Variants in DIAPH3 observed in about 807,000 individuals in gnomAD.
DIAPH3 encodes the protein protein diaphanous homolog 3.
A neutral mutation model predicts 144.3 loss-of-function variants in DIAPH3; 117 were observed. The observed-to-expected ratio is 0.81, with a 90% confidence interval of 0.70 to 0.95. DIAPH3 has a LOEUF of 0.95. Ranked by LOEUF, DIAPH3 falls within the 40% of genes least tolerant of loss-of-function variation. The probability of loss-of-function intolerance (pLI) is 0.00; values close to 1 mark genes in which losing one functional copy is unlikely to be tolerated. For synonymous variants in DIAPH3, 519 were observed against 488.9 expected, an observed-to-expected ratio of 1.06 and a Z score of -0.81; for missense variants, 1,421 against 1,412.7, an observed-to-expected ratio of 1.01 and a Z score of -0.09.
chr13:59,938,971 C>T (rs1300951241), intron 17 of DIAPH3, among the ~76,000 whole-genome samples: 1 of 151,944 alleles, frequency 6.6e-6, no homozygotes, highest in Non-Finnish European at 1.5e-5. Context: ...TATTCTTAAC[C>T]ACAACATTTA....
intron 18 of DIAPH3, among the ~76,000 whole-genome samples, chr13:59,920,688 A>G (rs2047466133): frequency 6.6e-6 from 1 of 151,864 alleles, no homozygotes; most frequent in Admixed American, 6.6e-5. Context: ...ACAGTCATCT[A>G]GACAGAAAAT....
At chr13:59,721,180 C>T (rs2035325234) in intron 27 of DIAPH3, among the ~76,000 whole-genome samples, 2 of 152,068 alleles carry the variant, frequency 1.3e-5, no homozygotes, top group Non-Finnish European at 1.5e-5. Flanking sequence ...AAAAATCACC[C>T]ATCTTCCCAA....
chr13:59,703,294 T>C (rs1208316736), intron 27 of DIAPH3, among the ~76,000 whole-genome samples: 1 of 152,238 alleles, frequency 6.6e-6, no homozygotes, highest in Non-Finnish European at 1.5e-5. Flanking sequence ...GTTGAAATAA[T>C]ACTTTGAATA....
At position 60,008,573 on chromosome 13, in the gene DIAPH3, C is replaced by T. The variant is rs757613294; in HGVS notation, c.985G>A (p.Gly329Ser). 2 of 1,613,524 alleles carry T rather than the reference C, an allele frequency of 1.2e-6. No individual in the cohort carries two copies. Among genetic ancestry groups the T allele is most frequent in the Non-Finnish European group, 1.7e-6 (2 of 1,179,820 alleles). Residue 329 changes from glycine (G) to serine (S), a missense_variant, in exon 9 of 28, where the codon GGC becomes AGC. Physicochemically the swap from Gly to Ser is moderately conservative, Grantham distance 56 (BLOSUM62 0). Transcript: ENST00000400324. ...AGTTGAACTGAATTGTGCCGGAGGC[C>T]TTCCACAATACAAAAAAATCTGTCA... ...KIDRFFCIVEGLRHNSVQLQV... is the reference protein window; with the variant it reads ...KIDRFFCIVESLRHNSVQLQV...
At chr13:60,091,693 T>G (rs1354937303) in intron 4 of DIAPH3, among the ~76,000 whole-genome samples, 4 of 152,122 alleles carry the variant, frequency 2.6e-5, no homozygotes. Context: ...TATTTTAAAT[T>G]ATGGTATAAT....
intron 3 of DIAPH3, among the ~76,000 whole-genome samples, chr13:60,106,738 G>A (rs1394988806): frequency 2.0e-5 from 3 of 152,078 alleles, no homozygotes; most frequent in East Asian, 1.9e-4. Flanking sequence ...ATTCACAGAA[G>A]AGTAAAGCAA....
intron 27 of DIAPH3, among the ~76,000 whole-genome samples, chr13:59,756,160 G>C (rs1189268839): frequency 6.6e-6 from 1 of 152,102 alleles, no homozygotes; most frequent in Non-Finnish European, 1.5e-5. Context: ...AAGACCACAG[G>C]TAATTCTGGT....
At chr13:59,832,951 C>A in intron 24 of DIAPH3, 156 bp downstream of exon 24, 1 of 682,256 alleles carries the variant, frequency 1.5e-6, no homozygotes. Context: ...ACAAACCATA[C>A]ATTTTTCAAT....
chr13:59,964,138 G>T (rs1219491971), intron 17 of DIAPH3, among the ~76,000 whole-genome samples: 1 of 152,066 alleles, frequency 6.6e-6, no homozygotes, highest in Non-Finnish European at 1.5e-5. Context: ...ACAATGAAAT[G>T]TAACAACTTT....
chr13:60,058,651 G>A (rs561319781), intron 4 of DIAPH3, among the ~76,000 whole-genome samples: 6 of 152,018 alleles, frequency 3.9e-5, no homozygotes, highest in African/African-American at 1.4e-4. Flanking sequence ...AAGAAAATGT[G>A]GTGTGTTGGT....
rs558757083 is a variant in DIAPH3, at chr13:59,756,620, T to C, written c.3319+17569A>G. On this transcript the variant is annotated intron_variant, in intron 27 of 27. Coordinates refer to ENST00000400324, the MANE Select transcript of DIAPH3 (RefSeq NM_001042517.2). ...ATAGCCTGGAAGAGAACTTAATTCA[T>C]TGGATGGCATCATGTAGACTAAGGT... Among the ~76,000 whole-genome samples, 243 of 152,166 alleles carry C rather than the reference T, an allele frequency of 1.6e-3. 2 individuals are homozygous for C. Among genetic ancestry groups the C allele is most frequent in the Non-Finnish European group, 2.5e-3 (169 of 68,018 alleles).
chr13:59,673,326 A>C (rs1292545690), intron 27 of DIAPH3, among the ~76,000 whole-genome samples: 1 of 152,170 alleles, frequency 6.6e-6, no homozygotes, highest in African/African-American at 2.4e-5. Context: ...GCTCCTTACA[A>C]TATTACCCAA....
intron 27 of DIAPH3, among the ~76,000 whole-genome samples, chr13:59,744,127 T>C (rs2036595170): frequency 2.0e-5 from 3 of 152,184 alleles, no homozygotes; most frequent in Non-Finnish European, 4.4e-5. Context: ...ACTTGTACAT[T>C]TTCTGCATGT....
At chr13:60,129,719 T>C (rs2059090197) in intron 2 of DIAPH3, among the ~76,000 whole-genome samples, 1 of 152,202 alleles carries the variant, frequency 6.6e-6, no homozygotes, top group African/African-American at 2.4e-5. Context: ...ATGCAATGTG[T>C]ATGTTGTAAG....
At chr13:59,891,415 T>C (rs1340630168) in intron 20 of DIAPH3, among the ~76,000 whole-genome samples, 1 of 151,380 alleles carries the variant, frequency 6.6e-6, no homozygotes, top group Non-Finnish European at 1.5e-5. Flanking sequence ...AAGCATCATG[T>C]TTCCATACCA....
rs544503873 is a variant in DIAPH3, at chr13:59,706,365, G to A, written c.3320-39519C>T. On this transcript the variant is annotated intron_variant, in intron 27 of 27. Coordinates refer to ENST00000400324, the MANE Select transcript of DIAPH3 (RefSeq NM_001042517.2). Reference sequence around the variant, plus strand: ...TTGAATCACCCTCTAACATGAACTTGAGAACACATATAATACCAAACAATG... The same window carrying A: ...TTGAATCACCCTCTAACATGAACTTAAGAACACATATAATACCAAACAATG... Among the ~76,000 whole-genome samples, 21 of 152,134 alleles carry A rather than the reference G, an allele frequency of 1.4e-4. No homozygotes were observed. The South Asian group carries it at 4.4e-3, about 32-fold the overall frequency.
chr13:59,973,384 T>C (rs900843686), intron 15 of DIAPH3, among the ~76,000 whole-genome samples: 1 of 151,820 alleles, frequency 6.6e-6, no homozygotes, highest in African/African-American at 2.4e-5. Flanking sequence ...CACAATCAAA[T>C]GTTTCTTTCA....
chr13:59,810,752 A>G (rs764575888), intron 25 of DIAPH3, 36 bp downstream of exon 25: 4 of 1,604,068 alleles, frequency 2.5e-6, no homozygotes, highest in Non-Finnish European at 3.4e-6. Flanking sequence ...AATCTTAAGT[A>G]TACATAGAAT....
At chr13:59,868,735 C>A (rs1368803065) in intron 21 of DIAPH3, among the ~76,000 whole-genome samples, 1 of 152,136 alleles carries the variant, frequency 6.6e-6, no homozygotes, top group East Asian at 1.9e-4. Flanking sequence ...TCTTCCCTCT[C>A]CTCAGAACCC....
Sources: allele counts gnomAD v4.1 joint callset (sites outside exome capture counted in the v4.1 genomes callset), GRCh38; gene constraint gnomAD v4.1.1; transcripts MANE v1.5; gene names NCBI Gene and HGNC (gene_info 2026-07-23, HGNC 2026-07-21).